Variants in VARS2 observed in about 807,000 individuals in gnomAD.
VARS2 encodes the protein valyl-tRNA synthetase 2, mitochondrial.
VARS2 carries 105 observed loss-of-function variants against 154.1 expected under a neutral mutation model. The observed-to-expected ratio is 0.68, with a 90% CI of 0.58 to 0.80. The LOEUF (loss-of-function observed/expected upper bound fraction) is 0.80. Ranked by LOEUF, VARS2 falls within the 30% of genes least tolerant of loss-of-function variation. The pLI, the probability that VARS2 is intolerant of heterozygous loss-of-function variation, is 0.00. For synonymous variants in VARS2, 483 were observed against 539.5 expected (o/e 0.90, Z 1.45); for missense variants, 1,157 against 1,361.4 (o/e 0.85, Z 2.36).
chr6:30,924,294 G>T (rs1267929497), intron 25 of VARS2, 60 bp from the exon 26 acceptor site: 34 of 1,579,262 alleles, frequency 2.2e-5, no homozygotes, highest in Non-Finnish European at 3.0e-5. Context: ...GGTAGCAGTG[G>T]CTGTAGGGAG....
chr6:30,925,999 G>A lies in VARS2; in HGVS notation c.3081G>A (p.Arg1027=). The A allele has an allele frequency of 6.2e-7, 1 of 1,613,092 alleles. No individual in the cohort carries two copies. The highest frequency in any genetic ancestry group is 8.5e-7 in the Non-Finnish European group (1 of 1,180,032). The change falls in exon 29 of 30, where the codon AGG becomes AGA. Residue 1027 remains arginine (R), a synonymous_variant. Transcript: ENST00000676266. ...TPSEGEAGTQ[R]QQKLSSLQLE... is the part of the protein sequence containing the mutation. ...CAGAAGGGGAGGCAGGGACTCAGAG[G>A]CAACAAAAGGTAAGGCTGAGGGAGG...
At chr6:30,923,023 C>A in intron 23 of VARS2, 47 bp downstream of exon 23, 1 of 1,604,396 alleles carries the variant, frequency 6.2e-7, no homozygotes, top group East Asian at 2.2e-5. Flanking sequence ...GCAGCGGGCA[C>A]CTGTGCAGGG....
chr6:30,920,630 G>C lies in VARS2; in HGVS notation c.1398-38G>C. 1 of 1,494,850 alleles carries C rather than the reference G, an allele frequency of 6.7e-7. No homozygotes were observed. Among genetic ancestry groups the C allele is most frequent in the Non-Finnish European group, 9.0e-7 (1 of 1,109,740 alleles). 92.6% of individuals were successfully genotyped at this position (1,494,850 alleles called of 1,614,324 possible). A position where few individuals can be genotyped will look rare whatever the true frequency, so the allele number is the denominator to read the frequency against. ...TTGTGCCCCTGGGAGAAGTCACAGGGCCGGAAGAGCAGTGGACTCACCCTG... is the reference window on the plus strand; with the variant it reads ...TTGTGCCCCTGGGAGAAGTCACAGGCCCGGAAGAGCAGTGGACTCACCCTG... On this transcript the variant is annotated intron_variant, in intron 14 of 29. Coordinates refer to ENST00000676266, the MANE Select transcript of VARS2 (RefSeq NM_020442.6). This position sits in a 1 kb window ranked among gnomAD's most constrained non-coding sequence, Gnocchi z 4.6.
Position 30,916,465 on chromosome 6 carries a change from T to TGTGG in VARS2, c.671+219_671+220insGGTG, listed in dbSNP as rs371645693. 15,536 of 389,392 alleles carry TGTGG rather than the reference T, an allele frequency of 0.04. 615 individuals carry two copies. Among genetic ancestry groups the TGTGG allele is most frequent in the African/African-American group, 0.13 (6,105 of 47,350 alleles). The allele number at this position is 389,392 out of a possible 1,614,324, so 24.1% of individuals were successfully genotyped here. A position where few individuals can be genotyped will look rare whatever the true frequency, so the allele number is the denominator to read the frequency against. On this transcript the variant is annotated intron_variant, in intron 7 of 29. Coordinates refer to ENST00000676266, the MANE Select transcript of VARS2 (RefSeq NM_020442.6). This position sits in a 1 kb window ranked among gnomAD's most constrained non-coding sequence, Gnocchi z 4.0. ...GCATTAGAATATTCGTGTGTGTGTG[T>TGTGG]GTGTGTGTGTGTATTTATATATATA...
chr6:30,925,298 G>A lies in VARS2; in HGVS notation c.2698G>A (p.Glu900Lys). The change falls in exon 27 of 30, where the codon GAG becomes AAG. Residue 900 changes from glutamate to lysine, a missense_variant. By Grantham distance (56) the Glu-to-Lys change is moderately conservative. Coordinates refer to ENST00000676266, the MANE Select transcript of VARS2 (RefSeq NM_020442.6). ...GGAGCACTGGCGCCAGCCAGAGCTG[G>A]AGCGGCGCTTCTCCCGGGTCCAAGA... ...SLEHWRQPEL[E>K]RRFSRVQEVV... 1 of 1,612,434 alleles carries A rather than the reference G, an allele frequency of 6.2e-7. No homozygotes were observed. Among genetic ancestry groups the A allele is most frequent in the Non-Finnish European group, 8.5e-7 (1 of 1,179,768 alleles).
chr6:30,915,341 C>G lies in VARS2; in HGVS notation c.284-14C>G. ...AAGTTCAGTGGTTAGTGGAGCTCTC[C>G]TCTGCCTTCACAGATGTCTCTGGGC... On this transcript the variant is annotated splice_polypyrimidine_tract_variant and intron_variant, in intron 3 of 29. Transcript: ENST00000676266. 6.2e-7 allele frequency: 1 copy of G among 1,613,982 alleles called. No homozygotes were observed. The highest frequency in any genetic ancestry group is 2.2e-5 in the East Asian group (1 of 44,898).
chr6:30,925,066 C>T (rs1345684565), intron 26 of VARS2, among the ~76,000 whole-genome samples: 1 of 152,228 alleles, frequency 6.6e-6, no homozygotes, highest in East Asian at 1.9e-4. Context: ...AGCAACTAAA[C>T]AGGCATCAAA....
In VARS2 at chr6:30,915,194, G is replaced by A; in HGVS notation, c.240G>A (p.Glu80=). The A allele has an allele frequency of 6.2e-7, 1 of 1,614,250 alleles. No homozygotes were observed. The highest frequency in any genetic ancestry group is 1.1e-5 in the South Asian group (1 of 91,092). Residue 80 remains glutamate, a synonymous_variant, in exon 3 of 30, where the codon GAG becomes GAA. Transcript: ENST00000676266. ...AESIKAWRPK[E]LVLYEIPTKP... ...CCATTAAGGCCTGGAGGCCTAAGGA[G>A]TTAGTATTGTATGAAATCCCTACGA...
chr6:30,924,131 C>T, intron 25 of VARS2: 1 of 585,820 alleles, frequency 1.7e-6, no homozygotes, highest in Non-Finnish European at 3.0e-6. Flanking sequence ...ACATGTTTCC[C>T]TGGAAATCCT....
chr6:30,914,866 AC>A lies in VARS2; in HGVS notation c.32del (p.Pro11HisfsTer6). The A allele has an allele frequency of 3.7e-6, 6 of 1,612,700 alleles. No homozygotes were observed. Among genetic ancestry groups the A allele is most frequent in the Non-Finnish European group, 5.1e-6 (6 of 1,179,964 alleles). On this transcript the variant is annotated frameshift_variant, in exon 2 of 30. Coordinates refer to ENST00000676266, the MANE Select transcript of VARS2 (RefSeq NM_020442.6). LOFTEE classifies it high-confidence loss of function. Reference sequence around the variant, plus strand: ...CTCATTTGCCTCTCGCCTCTTTTCGACCACCATTTTGGGGGCTGAGGCACTC... The same window carrying A: ...CTCATTTGCCTCTCGCCTCTTTTCGACACCATTTTGGGGGCTGAGGCACTC... MPHLPLASFRPPFWGLRHSRG... is the reference protein window; with the variant it reads MPHLPLASFRXPFWGLRHSRG...
chr6:30,926,271 T>A lies in VARS2; in HGVS notation c.*61T>A. 6.4e-7 allele frequency: 1 copy of A among 1,552,552 alleles called. No homozygotes were observed. ...CTGTCTTTGAGGACAAACAGATTTG[T>A]CAGCTGTCAGGGTGCAGTGGGACGT... On this transcript the variant is annotated 3_prime_UTR_variant, in exon 30 of 30. Coordinates refer to ENST00000676266, the MANE Select transcript of VARS2 (RefSeq NM_020442.6).
In VARS2 at chr6:30,923,207, A is replaced by C; in HGVS notation, c.2289A>C (p.Lys763Asn). The C allele has an allele frequency of 6.2e-7, 1 of 1,613,034 alleles. No individual in the cohort carries two copies. The highest frequency in any genetic ancestry group is 8.5e-7 in the Non-Finnish European group (1 of 1,180,020). ...LRFILNALGE[K>N]FVPQPAEELS... The stretch of plus-strand genomic sequence containing the variant: ...TTATCCTCAATGCTTTAGGGGAGAA[A>C]TTTGTGCCACAGCCTGCTGAGGAGG... Residue 763 changes from lysine to asparagine, a missense_variant, in exon 24 of 30, where the codon AAA becomes AAC. Physicochemically the swap from Lys to Asn is moderately conservative, Grantham distance 94. Transcript: ENST00000676266.
In VARS2 at chr6:30,923,408, C is replaced by T; in HGVS notation, c.2369C>T (p.Ala790Val). 1.2e-6 allele frequency: 2 copies of T among 1,612,298 alleles called. No individual in the cohort carries two copies. Among genetic ancestry groups the T allele is most frequent in the Non-Finnish European group, 1.7e-6 (2 of 1,179,984 alleles). The change falls in exon 25 of 30, where the codon GCC becomes GTC. Residue 790 changes from alanine (A) to valine (V), a missense_variant. By Grantham distance (64) the Ala-to-Val change is moderately conservative (BLOSUM62 0). Transcript: ENST00000676266. ...ATCCTGAGCCGCCTTGCCCTGGCTG[C>T]CCAGGAGTGTGAGCGGGGCTTCCTC... ...AWILSRLALA[A>V]QECERGFLTR... is the part of the protein sequence containing the mutation.
At chr6:30,922,021 T>G (rs766625921) in intron 19 of VARS2, 26 bp downstream of exon 19, 2 of 1,612,594 alleles carry the variant, frequency 1.2e-6, no homozygotes, top group Admixed American at 3.3e-5. Context: ...AGGGCGAAAG[T>G]GAAGGGGAAA....
At position 30,916,480 on chromosome 6, in the gene VARS2, T is replaced by TTATA. The variant is rs145049694; in HGVS notation, c.671+245_671+248dup. 0.17 allele frequency: 46,781 copies of TTATA among 283,492 alleles called. 4,437 individuals are homozygous for TTATA. The highest frequency in any genetic ancestry group is 0.35 in the South Asian group (2,488 of 7,140). 17.6% of individuals were successfully genotyped at this position (283,492 alleles called of 1,614,324 possible). On this transcript the variant is annotated intron_variant, in intron 7 of 29. Transcript: ENST00000676266. This position sits in a 1 kb window ranked among gnomAD's most constrained non-coding sequence, Gnocchi z 4.0. Reference sequence around the variant, plus strand: ...TGTGTGTGTGTGTGTGTGTGTGTATTTATATATATATATATATTTTCTTTC... The same window carrying TTATA: ...TGTGTGTGTGTGTGTGTGTGTGTATTTATATATATATATATATATATTTTCTTTC...
chr6:30,926,289 T>G lies in VARS2; in HGVS notation c.*79T>G. Reference sequence around the variant, plus strand: ...AGATTTGTCAGCTGTCAGGGTGCAGTGGGACGTCAGAGACTATGTGGTCCA... The same window carrying G: ...AGATTTGTCAGCTGTCAGGGTGCAGGGGGACGTCAGAGACTATGTGGTCCA... On this transcript the variant is annotated 3_prime_UTR_variant, in exon 30 of 30. Transcript: ENST00000676266. The G allele has an allele frequency of 7.0e-7, 1 of 1,429,200 alleles. No individual in the cohort carries two copies. The highest frequency in any genetic ancestry group is 2.4e-5 in the East Asian group (1 of 42,276). The allele number at this position is 1,429,200 out of a possible 1,614,324, so 88.5% of individuals were successfully genotyped here.
intron 11 of VARS2, 48 bp downstream of exon 11, chr6:30,918,963 T>C: frequency 6.5e-7 from 1 of 1,544,162 alleles, no homozygotes; most frequent in Non-Finnish European, 8.9e-7. Context: ...GCCAATGGCC[T>C]TCTCTTCTCT....
Position 30,916,467 on chromosome 6 carries a change from T to TGG in VARS2, c.671+219_671+220insGG, listed in dbSNP as rs1794178859. 4 of 386,020 alleles carry TGG rather than the reference T, an allele frequency of 1.0e-5. No individual in the cohort carries two copies. In the South Asian group the frequency reaches 2.9e-4, roughly 28 times the overall value. The allele number at this position is 386,020 out of a possible 1,614,324, so 23.9% of individuals were successfully genotyped here. On this transcript the variant is annotated intron_variant, in intron 7 of 29. Transcript: ENST00000676266. This position sits in a 1 kb window ranked among gnomAD's most constrained non-coding sequence, Gnocchi z 4.0. Reference sequence around the variant, plus strand: ...ATTAGAATATTCGTGTGTGTGTGTGTGTGTGTGTGTATTTATATATATATA... The same window carrying TGG: ...ATTAGAATATTCGTGTGTGTGTGTGTGGGTGTGTGTGTATTTATATATATATA...
At position 30,919,981 on chromosome 6, in the gene VARS2, C is replaced by A; in HGVS notation, c.1166-108C>A. The A allele has an allele frequency of 2.6e-6, 2 of 783,448 alleles. No individual in the cohort carries two copies. Among genetic ancestry groups the A allele is most frequent in the Non-Finnish European group, 3.6e-6 (2 of 555,042 alleles). The allele number at this position is 783,448 out of a possible 1,614,324, so 48.5% of individuals were successfully genotyped here. On this transcript the variant is annotated intron_variant, in intron 12 of 29. Coordinates refer to ENST00000676266, the MANE Select transcript of VARS2 (RefSeq NM_020442.6). The surrounding 1 kb of genome is among the most constrained non-coding windows in gnomAD (Gnocchi z 4.5). ...CTGAGTGGGGAATGGGAGGGAGGCA[C>A]AGACAGAGAAAGTCGCAGGGGCTGG...
Sources: allele counts gnomAD v4.1 joint callset (sites outside exome capture counted in the v4.1 genomes callset), GRCh38; gene constraint gnomAD v4.1.1; non-coding constraint Gnocchi (gnomAD v3.1); transcripts MANE v1.5; gene names NCBI Gene and HGNC (gene_info 2026-07-23, HGNC 2026-07-21).